CWC27: variants seen among roughly 807,000 people sequenced by gnomAD.
CWC27 encodes CWC27 spliceosome associated cyclophilin, also known as spliceosome-associated protein CWC27 homolog.
CWC27 carries 47 observed loss-of-function variants against 63.6 expected under a neutral mutation model. The observed-to-expected ratio is 0.74, with a 90% CI of 0.58 to 0.94. The LOEUF (loss-of-function observed/expected upper bound fraction) is 0.94, where lower values mean the gene tolerates loss of function less well. Ranked by LOEUF, CWC27 falls within the 40% of genes least tolerant of loss-of-function variation. CWC27 has a pLI of 0.00. For synonymous variants in CWC27, 175 were observed against 179.8 expected, an observed-to-expected ratio of 0.97 and a Z score of 0.22; for missense variants, 495 against 554.3, an observed-to-expected ratio of 0.89 and a Z score of 1.07.
At chr5:64,832,604 T>A (rs1462373382) in intron 10 of CWC27, among the ~76,000 whole-genome samples, 1 of 151,874 alleles carries the variant, frequency 6.6e-6, no homozygotes, top group Non-Finnish European at 1.5e-5. Flanking sequence ...TGTGCATACT[T>A]CTGTTCCATA....
At chr5:64,978,098 A>G (rs371643017) in intron 13 of CWC27, among the ~76,000 whole-genome samples, 10 of 152,136 alleles carry the variant, frequency 6.6e-5, no homozygotes, top group African/African-American at 2.4e-4. Flanking sequence ...TCTGTTCAAC[A>G]CTCCCATCCT....
At chr5:64,940,053 T>C (rs1398350314) in intron 11 of CWC27, among the ~76,000 whole-genome samples, 2 of 152,190 alleles carry the variant, frequency 1.3e-5, no homozygotes, top group African/African-American at 4.8e-5. Flanking sequence ...CTTGCTGGGC[T>C]CTGTGGGGGT....
chr5:64,806,701 G>A (rs1744685129), intron 10 of CWC27, among the ~76,000 whole-genome samples: 1 of 152,012 alleles, frequency 6.6e-6, no homozygotes, highest in Non-Finnish European at 1.5e-5. Flanking sequence ...TCAGACCCTG[G>A]CATGGTGGCT....
At chr5:64,990,800 A>G (rs1481071092) in intron 13 of CWC27, among the ~76,000 whole-genome samples, 1 of 152,188 alleles carries the variant, frequency 6.6e-6, no homozygotes, top group Non-Finnish European at 1.5e-5. Context: ...GTAATTATTA[A>G]TCCTTAAGCT....
intron 11 of CWC27, among the ~76,000 whole-genome samples, chr5:64,897,961 C>T (rs1747419177): frequency 6.6e-6 from 1 of 151,372 alleles, no homozygotes; most frequent in South Asian, 2.1e-4. Flanking sequence ...TTAATACATT[C>T]TCTCAGTAAC....
chr5:64,846,993 CAAAAAAAA>C (rs35090437), intron 10 of CWC27, among the ~76,000 whole-genome samples: 6 of 86,178 alleles, frequency 7.0e-5, no homozygotes, highest in African/African-American at 1.9e-4. Context: ...GACTCCATCT[CAAAAAAAA>C]AAAAAAAAAA....
chr5:64,926,624 C>G (rs1358449216), intron 11 of CWC27, among the ~76,000 whole-genome samples: 1 of 151,992 alleles, frequency 6.6e-6, no homozygotes, highest in Non-Finnish European at 1.5e-5. Context: ...AATGGCAATT[C>G]TAGTTTTTAG....
At chr5:64,920,911 A>G (rs1040785289) in intron 11 of CWC27, among the ~76,000 whole-genome samples, 3 of 151,652 alleles carry the variant, frequency 2.0e-5, no homozygotes, top group Non-Finnish European at 4.4e-5. Flanking sequence ...ACCAACTTTT[A>G]ATTTTATTGA....
chr5:64,801,124 T>TA (rs1744471420), intron 8 of CWC27, among the ~76,000 whole-genome samples, 178 bp from the exon 9 acceptor site: 1 of 152,158 alleles, frequency 6.6e-6, no homozygotes, highest in Admixed American at 6.5e-5. Flanking sequence ...ATTCCACTTA[T>TA]AAAAAATGAC....
intron 11 of CWC27, among the ~76,000 whole-genome samples, chr5:64,905,186 G>C (rs1580716772): frequency 8.8e-6 from 1 of 113,690 alleles, no homozygotes; most frequent in South Asian, 3.0e-4. Flanking sequence ...GGGCGACAGA[G>C]CCACACTACA....
intron 10 of CWC27, among the ~76,000 whole-genome samples, chr5:64,878,511 G>T (rs1746853649): frequency 1.1e-5 from 1 of 90,512 alleles, no homozygotes; most frequent in African/African-American, 4.8e-5. Flanking sequence ...GCACCTGTTA[G>T]TGTGCCTACT....
At chr5:64,980,684 C>A (rs576351501) in intron 13 of CWC27, among the ~76,000 whole-genome samples, 50 of 152,130 alleles carry the variant, frequency 3.3e-4, no homozygotes, top group Non-Finnish European at 6.6e-4. Context: ...CTCTCCCCTC[C>A]GTCACTTTCT....
chr5:64,876,464 C>A (rs996979879), intron 10 of CWC27, among the ~76,000 whole-genome samples: 1 of 152,080 alleles, frequency 6.6e-6, no homozygotes, highest in South Asian at 2.1e-4. Flanking sequence ...ACTGCAAGTG[C>A]TACATCCGTG....
chr5:64,984,083 T>G (rs749699385), intron 13 of CWC27, among the ~76,000 whole-genome samples: 1 of 152,184 alleles, frequency 6.6e-6, no homozygotes, highest in Non-Finnish European at 1.5e-5. Flanking sequence ...TCTGCCCGCC[T>G]CAGCCTCCCA....
intron 10 of CWC27, among the ~76,000 whole-genome samples, chr5:64,823,437 G>A (rs1745269739): frequency 1.3e-5 from 2 of 152,174 alleles, no homozygotes; most frequent in Non-Finnish European, 2.9e-5. Flanking sequence ...TAGTTCCAAT[G>A]AAGTAGAATT....
At chr5:64,776,302 T>G (rs1743453031) in intron 2 of CWC27, among the ~76,000 whole-genome samples, 1 of 152,062 alleles carries the variant, frequency 6.6e-6, no homozygotes, top group African/African-American at 2.4e-5. Context: ...ATTCAAAAGC[T>G]CAAGTTTTAC....
At chr5:64,943,482 A>ATAAT (rs2112417327) in intron 11 of CWC27, among the ~76,000 whole-genome samples, 1 of 152,318 alleles carries the variant, frequency 6.6e-6, no homozygotes, top group African/African-American at 2.4e-5. Context: ...ACATGAAAGT[A>ATAAT]TAATAATCTA....
intron 11 of CWC27, among the ~76,000 whole-genome samples, chr5:64,959,153 A>AC (rs1011733647): frequency 1.2e-4 from 18 of 151,974 alleles, no homozygotes; most frequent in South Asian, 4.2e-4. Context: ...ATGTATAGAG[A>AC]CCCCCCCATT....
chr5:64,961,646 T>A (rs1215027328), intron 11 of CWC27, among the ~76,000 whole-genome samples: 2 of 152,172 alleles, frequency 1.3e-5, no homozygotes, highest in African/African-American at 2.4e-5. Flanking sequence ...TCAAAGCATC[T>A]CTTAGCATAA....
Sources: gnomAD v4.1 joint callset for allele counts (sites outside exome capture counted in the v4.1 genomes callset) on GRCh38, gnomAD v4.1.1 for gene constraint, MANE v1.5 for transcripts, NCBI Gene and HGNC (gene_info 2026-07-23, HGNC 2026-07-21) for gene names.